The following MAPK10 variants were observed in gnomAD, a reference collection of about 807,000 sequenced individuals.
MAPK10 encodes the protein mitogen-activated protein kinase 10.
In MAPK10, 25 loss-of-function variants were observed where a neutral mutation model predicts 59.3. That is an observed-to-expected ratio of 0.42 (90% CI 0.31 to 0.59). The LOEUF (loss-of-function observed/expected upper bound fraction) is 0.59, where lower values mean the gene tolerates loss of function less well. MAPK10 is among the 20% of genes least tolerant of loss of function. The pLI is 0.15. For synonymous variants in MAPK10, 190 were observed against 200.5 expected, an observed-to-expected ratio of 0.95 and a Z score of 0.44; for missense variants, 351 against 568.9, an observed-to-expected ratio of 0.62 and a Z score of 3.90.
At chr4:86,243,519 C>G (rs1327695592) in intron 2 of MAPK10, among the ~76,000 whole-genome samples, 2 of 152,120 alleles carry the variant, frequency 1.3e-5, no homozygotes, top group African/African-American at 4.8e-5. Flanking sequence ...TCTCCTCTTC[C>G]TCACCTCACT....
chr4:86,450,798 G>C (rs1750608855), intron 1 of MAPK10, among the ~76,000 whole-genome samples: 1 of 152,152 alleles, frequency 6.6e-6, no homozygotes, highest in Non-Finnish European at 1.5e-5. Flanking sequence ...CTTTCAAAAA[G>C]AACATTAAGA....
chr4:86,102,019 C>T lies in MAPK10; in HGVS notation c.439G>A (p.Glu147Lys). ...TGACATAAGTTGGCATCCATCAGTT[C>T]CATTACTAAGTAACTAGAAGGGTGA... ...EEFQDVYLVM[E>K]LMDANLCQVI... The change falls in exon 7 of 14, where the codon GAA (glutamate) becomes AAA (lysine). Residue 147 changes from glutamate (E) to lysine (K), a missense_variant. By Grantham distance (56) the Glu-to-Lys change is moderately conservative. Coordinates refer to ENST00000641462, the MANE Select transcript of MAPK10 (RefSeq NM_138982.4). 6.2e-7 allele frequency: 1 copy of T among 1,613,848 alleles called. No individual in the cohort carries two copies. Among genetic ancestry groups the T allele is most frequent in the Non-Finnish European group, 8.5e-7 (1 of 1,179,796 alleles).
At chr4:86,272,995 C>G (rs10030319) in intron 2 of MAPK10, among the ~76,000 whole-genome samples, 6,869 of 152,106 alleles carry the variant, frequency 0.045, 531 homozygotes, top group African/African-American at 0.16. Flanking sequence ...CGGATACCAG[C>G]CTTCTTTTTA....
intron 1 of MAPK10, among the ~76,000 whole-genome samples, chr4:86,465,816 G>A (rs1011422247): frequency 6.6e-6 from 1 of 152,172 alleles, no homozygotes; most frequent in Non-Finnish European, 1.5e-5. Context: ...GACTGACACT[G>A]AGAAGGACCC....
intron 1 of MAPK10, among the ~76,000 whole-genome samples, chr4:86,581,616 A>G (rs1397410403): frequency 1.3e-5 from 2 of 151,584 alleles, no homozygotes; most frequent in African/African-American, 4.8e-5. Context: ...CTATTTAAAG[A>G]AATTTGTTAT....
intron 1 of MAPK10, among the ~76,000 whole-genome samples, chr4:86,397,035 C>A (rs1282333482): frequency 6.6e-6 from 1 of 151,846 alleles, no homozygotes; most frequent in East Asian, 1.9e-4. Context: ...CACCTTGTGG[C>A]CCACATTATA....
At chr4:86,253,834 T>G (rs1294480986) in intron 2 of MAPK10, among the ~76,000 whole-genome samples, 11 of 74,516 alleles carry the variant, frequency 1.5e-4, no homozygotes, top group Non-Finnish European at 2.4e-4. Flanking sequence ...AACTATTGAT[T>G]ATTGCCACAA....
At chr4:86,062,771 T>C (rs1290795338) in intron 11 of MAPK10, among the ~76,000 whole-genome samples, 1 of 152,144 alleles carries the variant, frequency 6.6e-6, no homozygotes. Context: ...TTTGTAAACA[T>C]ATACATCATA....
intron 4 of MAPK10, among the ~76,000 whole-genome samples, chr4:86,149,788 G>A (rs2065944049): frequency 6.6e-6 from 1 of 152,150 alleles, no homozygotes; most frequent in South Asian, 2.1e-4. Context: ...CCCATCTTCA[G>A]ATAAAGTTCC....
intron 1 of MAPK10, among the ~76,000 whole-genome samples, chr4:86,372,638 T>G (rs1739085283): frequency 6.6e-6 from 1 of 151,580 alleles, no homozygotes; most frequent in African/African-American, 2.4e-5. Context: ...ACATGGAAAC[T>G]GAACTACCTT....
intron 1 of MAPK10, among the ~76,000 whole-genome samples, chr4:86,386,582 G>GTT (rs146855754): frequency 2.3e-4 from 35 of 150,168 alleles, no homozygotes; most frequent in Middle Eastern, 3.5e-3. Context: ...GCTTTTCAGA[G>GTT]TTTTTTTTTT....
chr4:86,492,790 TG>T (rs1314053337), intron 1 of MAPK10, among the ~76,000 whole-genome samples: 2 of 152,212 alleles, frequency 1.3e-5, no homozygotes, highest in Non-Finnish European at 2.9e-5. Context: ...CTGTATGTTT[TG>T]CTTTTGGGTT....
In MAPK10 at chr4:86,067,923, G is replaced by A. The variant is rs762975495; in HGVS notation, c.835C>T (p.Leu279=). The change falls in exon 10 of 14, where the codon CTA becomes TTA. Residue 279 remains leucine, a synonymous_variant. Transcript: ENST00000641462. The part of the protein sequence containing the change: ...IDQWNKVIEQ[L]GTPCPEFMKK... ...ATGAATTCTGGACATGGTGTTCCTA[G>A]TTGTTCAATTACCTTATTCCACTGG... is the stretch of plus-strand genomic sequence containing the variant. 3 of 1,613,084 alleles carry A rather than the reference G, an allele frequency of 1.9e-6. No individual in the cohort carries two copies. The highest frequency in any genetic ancestry group is 2.5e-6 in the Non-Finnish European group (3 of 1,179,410).
chr4:86,326,995 C>G (rs891453259), intron 2 of MAPK10: 10 of 152,082 alleles, frequency 6.6e-5, no homozygotes, highest in African/African-American at 2.4e-4. Flanking sequence ...AGTAGGGAAT[C>G]CATCTCGCTC....
chr4:86,183,143 T>TA (rs2077291434), intron 3 of MAPK10, among the ~76,000 whole-genome samples: 1 of 152,068 alleles, frequency 6.6e-6, no homozygotes, highest in African/African-American at 2.4e-5. Flanking sequence ...CTGGTTTTTT[T>TA]TTATTATTAT....
chr4:86,385,349 T>C (rs550302901), intron 1 of MAPK10, among the ~76,000 whole-genome samples: 1 of 152,302 alleles, frequency 6.6e-6, no homozygotes, highest in South Asian at 2.1e-4. Context: ...TTTAAAAGTT[T>C]AATGAGGCAA....
At chr4:86,092,726 G>A (rs1482862878) in intron 9 of MAPK10, among the ~76,000 whole-genome samples, 1 of 151,950 alleles carries the variant, frequency 6.6e-6, no homozygotes, top group African/African-American at 2.4e-5. Context: ...GAAGTAATTA[G>A]CAAATTCAAT....
chr4:86,565,836 G>C (rs1761022154), intron 1 of MAPK10, among the ~76,000 whole-genome samples: 1 of 152,004 alleles, frequency 6.6e-6, no homozygotes, highest in Non-Finnish European at 1.5e-5. Context: ...TCCTAACACT[G>C]AAAATGTATC....
At chr4:86,366,229 T>C (rs1467085344) in intron 1 of MAPK10, among the ~76,000 whole-genome samples, 2 of 152,124 alleles carry the variant, frequency 1.3e-5, no homozygotes. Flanking sequence ...GCTGTGTTTG[T>C]CTGTGATAGG....
Sources: allele counts gnomAD v4.1 joint callset (sites outside exome capture counted in the v4.1 genomes callset), GRCh38; gene constraint gnomAD v4.1.1; transcripts MANE v1.5; gene names NCBI Gene and HGNC (gene_info 2026-07-23, HGNC 2026-07-21).